Variants in CASR observed in about 807,000 individuals in gnomAD.
The protein encoded by CASR is calcium sensing receptor.
Under a neutral mutation model 69.1 loss-of-function variants are expected in CASR, and 23 were observed. That is an observed-to-expected ratio of 0.33 (90% confidence interval 0.24 to 0.47). The LOEUF is 0.47. CASR is among the 20% of genes least tolerant of loss of function. The pLI is 1.00. For synonymous variants in CASR, 541 were observed against 544.7 expected, an observed-to-expected ratio of 0.99 and a Z score of 0.10; for missense variants, 924 against 1,356.1, an observed-to-expected ratio of 0.68 and a Z score of 5.00.
At chr3:122,197,991 T>C (rs2073906601) in intron 1 of CASR, among the ~76,000 whole-genome samples, 1 of 152,326 alleles carries the variant, frequency 6.6e-6, no homozygotes, top group South Asian at 2.1e-4. Flanking sequence ...TTTTAAAAAA[T>C]GTCTCACCAC....
chr3:122,226,076 C>T (rs1209807452), intron 1 of CASR, among the ~76,000 whole-genome samples: 1 of 151,942 alleles, frequency 6.6e-6, no homozygotes, highest in Non-Finnish European at 1.5e-5. Context: ...CCTACATTAA[C>T]GGGGAAGATG....
intron 1 of CASR, among the ~76,000 whole-genome samples, chr3:122,245,848 A>C (rs865894354): frequency 2.6e-5 from 4 of 152,258 alleles, no homozygotes; most frequent in Admixed American, 6.5e-5. Flanking sequence ...TAAAACTAAA[A>C]GAATTCTCAT....
At chr3:122,212,180 T>C (rs1033792674) in intron 1 of CASR, among the ~76,000 whole-genome samples, 2 of 152,134 alleles carry the variant, frequency 1.3e-5, no homozygotes, top group Non-Finnish European at 2.9e-5. Context: ...AATGTTAGAC[T>C]AGATAAAGAA....
In CASR at chr3:122,252,451, A is replaced by AGAAAG. The variant is rs61387439; in HGVS notation, c.-242-1497_-242-1496insGAAAG. Among the ~76,000 whole-genome samples the AGAAAG allele has an allele frequency of 1.9e-5, 2 of 105,022 alleles. 1 individual carries two copies. The highest frequency in any genetic ancestry group is 4.0e-5 in the Non-Finnish European group (2 of 50,186). 68.9% of individuals were successfully genotyped at this position (105,022 alleles called of 152,430 possible). A position where few individuals can be genotyped will look rare whatever the true frequency, so the allele number is the denominator to read the frequency against. On this transcript the variant is annotated intron_variant, in intron 1 of 6. Coordinates refer to ENST00000639785, the MANE Select transcript of CASR (RefSeq NM_000388.4). ...AAAGAAAGAAAGAAAGAAAGAAAAAAAAGAAAAGAAAGAAAAGAAAAGAAG... is the reference window on the plus strand; with the variant it reads ...AAAGAAAGAAAGAAAGAAAGAAAAAAGAAAGAAGAAAAGAAAGAAAAGAAAAGAAG...
chr3:122,213,823 G>A (rs1262175685), intron 1 of CASR, among the ~76,000 whole-genome samples: 3 of 152,236 alleles, frequency 2.0e-5, no homozygotes, highest in Admixed American at 1.3e-4. Flanking sequence ...GATGATCTGA[G>A]ATGACTTACT....
At chr3:122,216,828 A>C (rs1043116771) in intron 1 of CASR, among the ~76,000 whole-genome samples, 7 of 152,254 alleles carry the variant, frequency 4.6e-5, no homozygotes, top group African/African-American at 1.7e-4. Context: ...AGAGTGCCTC[A>C]TCAACAGTGA....
At chr3:122,279,682 T>G (rs1576873722) in intron 5 of CASR, among the ~76,000 whole-genome samples, 1 of 152,150 alleles carries the variant, frequency 6.6e-6, no homozygotes, top group East Asian at 1.9e-4. Flanking sequence ...AAACAAAAAT[T>G]TTTAACCTCT....
intron 1 of CASR, among the ~76,000 whole-genome samples, chr3:122,252,965 G>A (rs2074514167): frequency 6.6e-6 from 1 of 152,154 alleles, no homozygotes; most frequent in South Asian, 2.1e-4. Context: ...GGAGTGAGAA[G>A]AGCAGAGTTC....
intron 1 of CASR, among the ~76,000 whole-genome samples, chr3:122,212,213 G>A (rs1423696870): frequency 1.3e-5 from 2 of 152,178 alleles, no homozygotes; most frequent in African/African-American, 4.8e-5. Context: ...ATACACCATG[G>A]AATATTATGC....
At chr3:122,269,096 A>G (rs1008907755) in intron 4 of CASR, among the ~76,000 whole-genome samples, 2 of 152,242 alleles carry the variant, frequency 1.3e-5, no homozygotes, top group African/African-American at 4.8e-5. Flanking sequence ...AATTTGTACT[A>G]ATAAATATGC....
rs2074815932 is a variant in CASR, at chr3:122,276,045, A to G, written c.1608+3A>G. 6.3e-7 allele frequency: 1 copy of G among 1,584,274 alleles called. No homozygotes were observed. Among genetic ancestry groups the G allele is most frequent in the African/African-American group, 1.3e-5 (1 of 74,314 alleles). ...TGTGGAGTGGGTTCTCCAGGGAGGTAGGTGCTGTCCATCAGAAAACCAGAT... is the reference window on the plus strand; with the variant it reads ...TGTGGAGTGGGTTCTCCAGGGAGGTGGGTGCTGTCCATCAGAAAACCAGAT... On this transcript the variant is annotated splice_donor_region_variant and intron_variant, in intron 5 of 6. Transcript: ENST00000639785.
intron 4 of CASR, among the ~76,000 whole-genome samples, chr3:122,264,315 A>T (rs550395347): frequency 6.6e-6 from 1 of 152,306 alleles, no homozygotes; most frequent in South Asian, 2.1e-4. Context: ...AGCAATTTTC[A>T]GCTTCTGTAG....
chr3:122,213,903 T>G (rs1037578726), intron 1 of CASR, among the ~76,000 whole-genome samples: 2 of 152,220 alleles, frequency 1.3e-5, no homozygotes, highest in Admixed American at 1.3e-4. Flanking sequence ...AATAGGTTTC[T>G]CATTTCTTCC....
At chr3:122,235,943 G>T (rs1206423946) in intron 1 of CASR, among the ~76,000 whole-genome samples, 3 of 152,230 alleles carry the variant, frequency 2.0e-5, no homozygotes, top group African/African-American at 7.2e-5. Flanking sequence ...AACACAGGTT[G>T]CTGGTCCCAC....
intron 1 of CASR, among the ~76,000 whole-genome samples, chr3:122,192,017 G>A (rs1043052627): frequency 9.2e-5 from 14 of 152,172 alleles, no homozygotes; most frequent in Non-Finnish European, 1.5e-4. Context: ...ATTTCATTTT[G>A]GGGATTGTAT....
At chr3:122,281,576 A>AT (rs1220358758) in intron 5 of CASR, among the ~76,000 whole-genome samples, 2 of 152,148 alleles carry the variant, frequency 1.3e-5, no homozygotes, top group African/African-American at 4.8e-5. Flanking sequence ...GCTTTTATCA[A>AT]TAGTTTGTGT....
At position 122,262,322 on chromosome 3, in the gene CASR, C is replaced by T. The variant is rs746515147; in HGVS notation, c.1287C>T (p.His429=). The change falls in exon 4 of 7, where the codon CAC becomes CAT. Residue 429 remains histidine (H), a synonymous_variant. Transcript: ENST00000639785. ...ACTTAGCAGTCTACTCCATTGCCCA[C>T]GCCTTGCAAGATATATATACCTGCT... ...NVYLAVYSIA[H]ALQDIYTCLP... is the part of the protein sequence containing the mutation. The T allele has an allele frequency of 3.0e-5, 49 of 1,613,802 alleles. No homozygotes were observed. The highest frequency in any genetic ancestry group is 3.3e-4 in the Middle Eastern group (2 of 6,082).
chr3:122,204,549 C>A (rs1236986028), intron 1 of CASR, among the ~76,000 whole-genome samples: 1 of 152,064 alleles, frequency 6.6e-6, no homozygotes, highest in Non-Finnish European at 1.5e-5. Context: ...CATAGGAGTG[C>A]AAATATCTTC....
chr3:122,279,865 G>A (rs2074866805), intron 5 of CASR, among the ~76,000 whole-genome samples: 1 of 152,116 alleles, frequency 6.6e-6, no homozygotes, highest in Non-Finnish European at 1.5e-5. Context: ...AGGTAAATGT[G>A]TGCCATGGTA....
Sources: gnomAD v4.1 joint callset for allele counts (sites outside exome capture counted in the v4.1 genomes callset) on GRCh38, gnomAD v4.1.1 for gene constraint, MANE v1.5 for transcripts, NCBI Gene and HGNC (gene_info 2026-07-23, HGNC 2026-07-21) for gene names.